The following PRTG variants were observed in gnomAD, a reference collection of about 807,000 sequenced individuals.
PRTG encodes immunoglobulin superfamily, DCC subclass, member 5.
A neutral mutation model predicts 122.5 loss-of-function variants in PRTG; 67 were observed. That is an observed-to-expected ratio of 0.55 (90% CI 0.45 to 0.67). The LOEUF is 0.67. PRTG is among the 30% of genes least tolerant of loss of function. The pLI, the probability that PRTG is intolerant of heterozygous loss-of-function variation, is 0.00. For synonymous variants in PRTG, 554 were observed against 501.1 expected, an observed-to-expected ratio of 1.11 and a Z score of -1.41; for missense variants, 1,435 against 1,415.4, an observed-to-expected ratio of 1.01 and a Z score of -0.22.
In PRTG at chr15:55,701,202, A is replaced by G. The variant is rs144885220; in HGVS notation, c.398-17271T>C. Among the ~76,000 whole-genome samples, 241 of 152,266 alleles carry G rather than the reference A, an allele frequency of 1.6e-3. 2 individuals are homozygous for G. The highest frequency in any genetic ancestry group is 5.4e-3 in the African/African-American group (224 of 41,548). The stretch of plus-strand genomic sequence containing the variant: ...CAAACTGGTACTATCACTTTGGAAA[A>G]TAACTTGGCAGTTTTTCATAAACAC... On this transcript the variant is annotated intron_variant, in intron 2 of 19. Transcript: ENST00000389286.
chr15:55,653,349 G>C (rs2059363424), intron 11 of PRTG, among the ~76,000 whole-genome samples: 1 of 151,994 alleles, frequency 6.6e-6, no homozygotes, highest in East Asian at 1.9e-4. Context: ...CTCACTCCCA[G>C]TAAAAACATC....
Position 55,612,696 on chromosome 15 carries a change from CAATATATA to C in PRTG, c.*7308_*7315del, listed in dbSNP as rs1360944147. The C allele has an allele frequency of 1.3e-3, 114 of 90,584 alleles. 1 individual carries two copies. Among genetic ancestry groups the C allele is most frequent in the African/African-American group, 3.6e-3 (62 of 17,376 alleles). 5.6% of individuals were successfully genotyped at this position (90,584 alleles called of 1,614,324 possible). ...ATTCTCTCTTTAACTCTTTAAAAGCCAATATATATATATATATATATATATATATATAT... is the reference window on the plus strand; with the variant it reads ...ATTCTCTCTTTAACTCTTTAAAAGCCTATATATATATATATATATATATAT... On this transcript the variant is annotated 3_prime_UTR_variant, in exon 20 of 20. Transcript: ENST00000389286.
At position 55,738,000 on chromosome 15, in the gene PRTG, CTCTA is replaced by C. The variant is rs1205586523; in HGVS notation, c.397+2378_397+2381del. The stretch of plus-strand genomic sequence containing the variant: ...ATTCTCTCTCTCTCTCTCTCTCTCT[CTCTA>C]TATATATATATATATATATATACAC... On this transcript the variant is annotated intron_variant, in intron 2 of 19. Transcript: ENST00000389286. 9.2e-3 allele frequency among the ~76,000 whole-genome samples: 613 copies of C among 66,812 alleles called. 1 individual carries two copies. The highest frequency in any genetic ancestry group is 0.017 in the South Asian group (43 of 2,514). 43.8% of individuals were successfully genotyped at this position (66,812 alleles called of 152,430 possible). A position where few individuals can be genotyped will look rare whatever the true frequency, so the allele number is the denominator to read the frequency against.
Position 55,651,809 on chromosome 15 carries a change from G to T in PRTG, c.2042-10601C>A, listed in dbSNP as rs548386831. ...TAGATAAAATTAAGAGAAAACCTGA[G>T]GTCAAGAACATGAGAAAACTTTTCC... On this transcript the variant is annotated intron_variant, in intron 11 of 19. Coordinates refer to ENST00000389286, the MANE Select transcript of PRTG (RefSeq NM_173814.6). Among the ~76,000 whole-genome samples the T allele has an allele frequency of 1.9e-4, 29 of 152,164 alleles. No homozygotes were observed. In the South Asian group the frequency reaches 5.4e-3, roughly 28 times the overall value.
chr15:55,629,367 ATATATATATGTGTGTGTGTGTG>A lies in PRTG; in HGVS notation c.2624-385_2624-364del, dbSNP rs1230338539. Among the ~76,000 whole-genome samples, 921 of 130,162 alleles carry A rather than the reference ATATATATATGTGTGTGTGTGTG, an allele frequency of 7.1e-3. 21 individuals carry two copies. The highest frequency in any genetic ancestry group is 0.023 in the African/African-American group (837 of 35,622). The allele number at this position is 130,162 out of a possible 152,430, so 85.4% of individuals were successfully genotyped here. On this transcript the variant is annotated intron_variant, in intron 15 of 19. Transcript: ENST00000389286. ...CATTTTTGTTTGGCTTTGTATATAT[ATATATATATGTGTGTGTGTGTG>A]TGTGTGTGTGTGTGTGTGTGTGTGT...
intron 11 of PRTG, among the ~76,000 whole-genome samples, chr15:55,665,101 A>C (rs968055924): frequency 8.6e-5 from 13 of 151,918 alleles, no homozygotes; most frequent in Admixed American, 2.0e-4. Flanking sequence ...CACTAAAAAA[A>C]ATACAAAAAA....
rs899856475 is a variant in PRTG, at chr15:55,637,155, A to G, written c.2623+15T>C. The G allele has an allele frequency of 2.0e-6, 3 of 1,492,304 alleles. No homozygotes were observed. In the African/African-American group the frequency reaches 4.2e-5, roughly 21 times the overall value. 92.4% of individuals were successfully genotyped at this position (1,492,304 alleles called of 1,614,324 possible). On this transcript the variant is annotated intron_variant, in intron 15 of 19. Transcript: ENST00000389286. ...ATCGTACTTTTCACCCTTCATGGCA[A>G]TTTATGATATTTACCTTCACGGTGT...
chr15:55,682,365 TG>T lies in PRTG; in HGVS notation c.674del (p.Pro225GlnfsTer14). The T allele has an allele frequency of 6.3e-7, 1 of 1,592,636 alleles. No homozygotes were observed. The highest frequency in any genetic ancestry group is 1.1e-5 in the South Asian group (1 of 87,934). ...KSMEASLTVI[P>X]AKESKSFHTP... ...TGGAAAAACCACTCTGCGTGGTACC[TG>T]GAATCACAGTTAGCGAGGCCTCCAT... On this transcript the variant is annotated frameshift_variant and splice_region_variant, in exon 4 of 20. Coordinates refer to ENST00000389286, the MANE Select transcript of PRTG (RefSeq NM_173814.6). LOFTEE classifies it high-confidence loss of function.
rs774961854 is a variant in PRTG at position 55,637,150 on chromosome 15, T to C, written c.2623+20A>G. On this transcript the variant is annotated intron_variant, in intron 15 of 19. Transcript: ENST00000389286. ...TAATAATCGTACTTTTCACCCTTCA[T>C]GGCAATTTATGATATTTACCTTCAC... 5.4e-6 allele frequency: 8 copies of C among 1,483,352 alleles called. No homozygotes were observed. Among genetic ancestry groups the C allele is most frequent in the Non-Finnish European group, 7.2e-6 (8 of 1,109,634 alleles). 91.9% of individuals were successfully genotyped at this position (1,483,352 alleles called of 1,614,324 possible).
intron 12 of PRTG, 65 bp downstream of exon 12, chr15:55,641,048 A>C (rs533457456): frequency 1.8e-5 from 20 of 1,084,828 alleles, no homozygotes; most frequent in African/African-American, 9.2e-5. Context: ...CTGTAACTTA[A>C]AGGAGGAGGA....
chr15:55,723,595 A>C (rs1315081118), intron 2 of PRTG, among the ~76,000 whole-genome samples: 1 of 152,128 alleles, frequency 6.6e-6, no homozygotes, highest in Non-Finnish European at 1.5e-5. Flanking sequence ...GATGGATTCC[A>C]AGTAAGACAA....
intron 2 of PRTG, among the ~76,000 whole-genome samples, chr15:55,699,841 G>T (rs975304161): frequency 4.6e-5 from 7 of 152,130 alleles, no homozygotes; most frequent in African/African-American, 1.7e-4. Context: ...ATATAAAAAG[G>T]CTGGACACAA....
At chr15:55,639,948 G>A (rs917722568) in intron 12 of PRTG, 120 bp from the exon 13 acceptor site, 6 of 1,477,168 alleles carry the variant, frequency 4.1e-6, no homozygotes, top group Admixed American at 2.4e-5. Context: ...TCTTCCACCA[G>A]AGATTCATAG....
intron 2 of PRTG, among the ~76,000 whole-genome samples, chr15:55,704,020 T>C (rs1159886418): frequency 6.6e-6 from 1 of 152,214 alleles, no homozygotes; most frequent in Non-Finnish European, 1.5e-5. Flanking sequence ...AAAACATGCA[T>C]AGTAAGCCAC....
chr15:55,649,680 TA>T (rs1028954122), intron 11 of PRTG, among the ~76,000 whole-genome samples: 101 of 152,088 alleles, frequency 6.6e-4, no homozygotes, highest in African/African-American at 2.4e-3. Context: ...TAATTCCAGC[TA>T]CTCGGGTGGC....
intron 11 of PRTG, among the ~76,000 whole-genome samples, chr15:55,652,391 G>A (rs1360609759): frequency 6.6e-6 from 1 of 152,184 alleles, no homozygotes; most frequent in Non-Finnish European, 1.5e-5. Context: ...CTAGCCAAAT[G>A]TCCATTTTTA....
intron 2 of PRTG, among the ~76,000 whole-genome samples, chr15:55,709,510 C>A (rs1212514484): frequency 6.6e-6 from 1 of 151,640 alleles, no homozygotes; most frequent in African/African-American, 2.4e-5. Context: ...TTATCCAAAC[C>A]AGGCATTTCA....
chr15:55,623,242 T>G (rs2059176474), intron 18 of PRTG, among the ~76,000 whole-genome samples: 1 of 152,144 alleles, frequency 6.6e-6, no homozygotes, highest in Non-Finnish European at 1.5e-5. Context: ...ATCATCATCA[T>G]CTTGGATTTT....
At chr15:55,709,599 T>C (rs1486618678) in intron 2 of PRTG, among the ~76,000 whole-genome samples, 1 of 152,126 alleles carries the variant, frequency 6.6e-6, no homozygotes, top group African/African-American at 2.4e-5. Context: ...AACAGGTTTA[T>C]GTGTAATGGC....
Sources: allele counts gnomAD v4.1 joint callset (sites outside exome capture counted in the v4.1 genomes callset), GRCh38; gene constraint gnomAD v4.1.1; transcripts MANE v1.5; gene names NCBI Gene and HGNC (gene_info 2026-07-23, HGNC 2026-07-21).